NCOA3: variants seen among roughly 807,000 people sequenced by gnomAD.
The protein encoded by NCOA3 is CBP-interacting protein.
In NCOA3, 51 loss-of-function variants were observed where a neutral mutation model predicts 158.8. The ratio of observed to expected loss-of-function variants is 0.32; its 90% CI spans 0.26 to 0.41. NCOA3 has a LOEUF of 0.41. Among genes scored for constraint, NCOA3 ranks in the 10% least tolerant of loss-of-function variants. NCOA3 has a pLI of 1.00. For synonymous variants in NCOA3, 537 were observed against 592.4 expected (o/e 0.91, Z 1.36); for missense variants, 1,510 against 1,746.6 (o/e 0.86, Z 2.41).
intron 2 of NCOA3, among the ~76,000 whole-genome samples, chr20:47,590,265 T>C (rs2085607361): frequency 6.6e-6 from 1 of 152,218 alleles, no homozygotes; most frequent in Admixed American, 6.5e-5. Flanking sequence ...ACCTTTGTCT[T>C]GACGGAATTT....
At chr20:47,602,537 A>G (rs2085880205) in intron 2 of NCOA3, among the ~76,000 whole-genome samples, 1 of 152,228 alleles carries the variant, frequency 6.6e-6, no homozygotes, top group South Asian at 2.1e-4. Context: ...TACTGTGACC[A>G]TTTAATATAT....
At chr20:47,589,716 T>G (rs1050620066) in intron 2 of NCOA3, among the ~76,000 whole-genome samples, 5 of 152,096 alleles carry the variant, frequency 3.3e-5, no homozygotes, top group African/African-American at 4.8e-5. Context: ...TCTTTTATCC[T>G]GAAACTAGGA....
chr20:47,566,998 T>G (rs2085205087), intron 1 of NCOA3, among the ~76,000 whole-genome samples: 1 of 145,584 alleles, frequency 6.9e-6, no homozygotes, highest in South Asian at 2.2e-4. Context: ...ACTAACAGTT[T>G]ACATGGTATA....
At chr20:47,625,850 AAAAAAT>A (rs934495885) in intron 5 of NCOA3, among the ~76,000 whole-genome samples, 2 of 152,246 alleles carry the variant, frequency 1.3e-5, no homozygotes, top group African/African-American at 4.8e-5. Context: ...AGGAAGAAAT[AAAAAAT>A]AATGTTAAAA....
intron 2 of NCOA3, among the ~76,000 whole-genome samples, chr20:47,596,108 A>G (rs1471645316): frequency 7.9e-5 from 12 of 152,236 alleles, no homozygotes; most frequent in Admixed American, 7.9e-4. Flanking sequence ...GTCAGTTCGT[A>G]TAGTGTACCT....
At position 47,635,514 on chromosome 20, in the gene NCOA3, T is replaced by G. The variant is rs1602521224; in HGVS notation, c.1305T>G (p.Gly435=). 4.3e-6 allele frequency: 7 copies of G among 1,613,648 alleles called. No individual in the cohort carries two copies. Among genetic ancestry groups the G allele is most frequent in the Non-Finnish European group, 4.2e-6 (5 of 1,179,942 alleles). Residue 435 remains glycine (G), a synonymous_variant, in exon 11 of 23, where the codon GGT becomes GGG. Coordinates refer to ENST00000371998, the MANE Select transcript of NCOA3 (RefSeq NM_181659.3). ...TGQMSGARYG[G]SSNIASLTPG... ...AGATGAGTGGAGCTAGGTATGGGGGTTCCAGTAACATAGCTTCATTGACCC... is the reference window on the plus strand; with the variant it reads ...AGATGAGTGGAGCTAGGTATGGGGGGTCCAGTAACATAGCTTCATTGACCC...
In NCOA3 at chr20:47,652,338, A is replaced by G. The variant is rs143327294; in HGVS notation, c.3947-68A>G. ...CCTTTAAAAAAAAAACAAAATTACT[A>G]CAGAAATCTGATATTCTAAGGAGAA... On this transcript the variant is annotated intron_variant, in intron 20 of 22. Transcript: ENST00000371998. 1.6e-4 allele frequency: 222 copies of G among 1,420,882 alleles called. No individual in the cohort carries two copies. The African/African-American group carries it at 2.9e-3, about 18-fold the overall frequency. The allele number at this position is 1,420,882 out of a possible 1,614,324, so 88.0% of individuals were successfully genotyped here. A position where few individuals can be genotyped will look rare whatever the true frequency, so the allele number is the denominator to read the frequency against.
intron 8 of NCOA3, among the ~76,000 whole-genome samples, chr20:47,629,746 C>T (rs1391930875): frequency 2.0e-5 from 3 of 152,168 alleles, no homozygotes; most frequent in African/African-American, 4.8e-5. Context: ...CTCTGCACCT[C>T]TTATGATTTG....
chr20:47,618,644 A>G (rs575095904), intron 2 of NCOA3, among the ~76,000 whole-genome samples: 2 of 152,302 alleles, frequency 1.3e-5, no homozygotes, highest in South Asian at 4.1e-4. Flanking sequence ...ATGAGGCACC[A>G]CACCCGGCCT....
At chr20:47,593,744 A>G (rs2085694240) in intron 2 of NCOA3, among the ~76,000 whole-genome samples, 1 of 152,186 alleles carries the variant, frequency 6.6e-6, no homozygotes, top group South Asian at 2.1e-4. Flanking sequence ...TGAAAGCATT[A>G]CTAAGCCAGG....
At chr20:47,511,550 T>TATATATATATATATATATACACATAC in intron 1 of NCOA3, among the ~76,000 whole-genome samples, 1 of 52,270 alleles carries the variant, frequency 1.9e-5, no homozygotes, top group Non-Finnish European at 4.0e-5. Context: ...TATATATATA[T>TATATATATATATATATATACACATAC]ATATATTTCT....
intron 1 of NCOA3, among the ~76,000 whole-genome samples, chr20:47,512,126 G>C: frequency 1.3e-5 from 2 of 151,688 alleles, no homozygotes; most frequent in Middle Eastern, 3.4e-3. Flanking sequence ...ACTAGGCTGG[G>C]CAATATAGTG....
At chr20:47,642,167 G>T in intron 16 of NCOA3, 46 bp from the exon 17 acceptor site, 1 of 1,114,156 alleles carries the variant, frequency 9.0e-7, no homozygotes. Context: ...ATTACTCTTA[G>T]AAAAAAAAAA....
intron 2 of NCOA3, among the ~76,000 whole-genome samples, chr20:47,593,847 A>G (rs1161821724): frequency 1.3e-5 from 2 of 152,178 alleles, no homozygotes; most frequent in East Asian, 3.8e-4. Flanking sequence ...TAGTATGGGA[A>G]AAGAATTACT....
At chr20:47,565,040 GGC>G (rs1280730168) in intron 1 of NCOA3, among the ~76,000 whole-genome samples, 1 of 152,036 alleles carries the variant, frequency 6.6e-6, no homozygotes, top group Non-Finnish European at 1.5e-5. Flanking sequence ...GAAGTGCAGT[GGC>G]ACGATCTCGA....
chr20:47,583,946 A>G (rs2085493242), intron 2 of NCOA3, among the ~76,000 whole-genome samples: 1 of 152,030 alleles, frequency 6.6e-6, no homozygotes, highest in Non-Finnish European at 1.5e-5. Flanking sequence ...ACAGAATGAA[A>G]CCCTGTCTCC....
intron 2 of NCOA3, among the ~76,000 whole-genome samples, chr20:47,586,259 A>G (rs146882625): frequency 6.6e-6 from 1 of 152,128 alleles, no homozygotes; most frequent in African/African-American, 2.4e-5. Flanking sequence ...GGAAGTATAC[A>G]TTTACAAAAG....
chr20:47,656,644 C>T lies in NCOA3; in HGVS notation c.*3227C>T, dbSNP rs565949716. On this transcript the variant is annotated 3_prime_UTR_variant, in exon 23 of 23. Coordinates refer to ENST00000371998, the MANE Select transcript of NCOA3 (RefSeq NM_181659.3). ...TCTTCCTTTCTAATATATGGAGTTTCGAAGAATAAAATATGAGAGCAATAT... is the reference window on the plus strand; with the variant it reads ...TCTTCCTTTCTAATATATGGAGTTTTGAAGAATAAAATATGAGAGCAATAT... 1.6e-4 allele frequency: 25 copies of T among 152,478 alleles called. No homozygotes were observed. The highest frequency in any genetic ancestry group is 5.3e-4 in the African/African-American group (22 of 41,446). 9.4% of individuals were successfully genotyped at this position (152,478 alleles called of 1,614,324 possible). A position where few individuals can be genotyped will look rare whatever the true frequency, so the allele number is the denominator to read the frequency against.
intron 8 of NCOA3, among the ~76,000 whole-genome samples, chr20:47,632,528 C>T (rs2086437021): frequency 6.6e-6 from 1 of 151,914 alleles, no homozygotes; most frequent in Admixed American, 6.6e-5. Flanking sequence ...GCTGGGATTA[C>T]AGGTACGCAC....
Sources: allele counts gnomAD v4.1 joint callset (sites outside exome capture counted in the v4.1 genomes callset), GRCh38; gene constraint gnomAD v4.1.1; transcripts MANE v1.5; gene names NCBI Gene and HGNC (gene_info 2026-07-23, HGNC 2026-07-21).